Variants in FSTL4 observed in about 807,000 individuals in gnomAD.
FSTL4 encodes the protein follistatin like 4, also known as follistatin-related protein 4.
Under a neutral mutation model 78.2 loss-of-function variants are expected in FSTL4, and 28 were observed. That is an observed-to-expected ratio of 0.36 (90% confidence interval 0.27 to 0.49). FSTL4 has a LOEUF of 0.49. Ranked by LOEUF, FSTL4 falls within the 20% of genes least tolerant of loss-of-function variation. The pLI is 0.98. For synonymous variants in FSTL4, 422 were observed against 440.5 expected, an observed-to-expected ratio of 0.96 and a Z score of 0.53; for missense variants, 922 against 1,084.9, an observed-to-expected ratio of 0.85 and a Z score of 2.11.
intron 3 of FSTL4, among the ~76,000 whole-genome samples, chr5:133,566,272 T>C (rs1387052700): frequency 6.6e-6 from 1 of 152,230 alleles, no homozygotes; most frequent in African/African-American, 2.4e-5. Context: ...TCAAAGCATG[T>C]TGATAACATA....
intron 4 of FSTL4, among the ~76,000 whole-genome samples, chr5:133,350,937 A>G (rs1340241177): frequency 1.3e-5 from 2 of 152,236 alleles, no homozygotes; most frequent in Non-Finnish European, 2.9e-5. Flanking sequence ...TAGCTATAAG[A>G]AAGGCTGGGA....
intron 3 of FSTL4, among the ~76,000 whole-genome samples, chr5:133,454,835 G>A (rs2127013505): frequency 6.6e-6 from 1 of 152,312 alleles, no homozygotes; most frequent in African/African-American, 2.4e-5. Flanking sequence ...GACCAGGCCT[G>A]CAATTTCTGA....
chr5:133,297,964 C>T (rs1386855509), intron 6 of FSTL4, among the ~76,000 whole-genome samples: 2 of 152,172 alleles, frequency 1.3e-5, no homozygotes, highest in African/African-American at 4.8e-5. Context: ...GTTTGAGGCA[C>T]CCAAGGGGTC....
chr5:133,286,844 A>G (rs982717195), intron 6 of FSTL4, among the ~76,000 whole-genome samples: 1 of 152,236 alleles, frequency 6.6e-6, no homozygotes, highest in Non-Finnish European at 1.5e-5. Context: ...TTTAAGACAC[A>G]CTGATCGCCT....
At chr5:133,735,123 C>A in the FSTL4 span, among the ~76,000 whole-genome samples, 2 of 152,098 alleles carry the variant, frequency 1.3e-5, no homozygotes, top group African/African-American at 4.8e-5. Context: ...CTGGCAAGCC[C>A]CAGAAGCACC....
the FSTL4 span, among the ~76,000 whole-genome samples, chr5:133,829,586 A>G: frequency 6.6e-6 from 1 of 152,170 alleles, no homozygotes; most frequent in Non-Finnish European, 1.5e-5. Flanking sequence ...TCAGGCTGAC[A>G]GGTGCTTTCC....
chr5:133,462,804 C>G (rs768112512), intron 3 of FSTL4, among the ~76,000 whole-genome samples: 9 of 152,176 alleles, frequency 5.9e-5, no homozygotes, highest in Non-Finnish European at 1.0e-4. Context: ...GGGGCCTGCC[C>G]TATTCATGGA....
the FSTL4 span, among the ~76,000 whole-genome samples, chr5:133,778,672 C>T: frequency 6.6e-6 from 1 of 152,192 alleles, no homozygotes; most frequent in African/African-American, 2.4e-5. Context: ...GAGCCTTTGA[C>T]CTTTCACATC....
At chr5:133,565,668 T>C (rs1464068735) in intron 3 of FSTL4, among the ~76,000 whole-genome samples, 1 of 152,216 alleles carries the variant, frequency 6.6e-6, no homozygotes, top group Non-Finnish European at 1.5e-5. Flanking sequence ...CTGGACACTC[T>C]CATTCTTCTG....
intron 3 of FSTL4, among the ~76,000 whole-genome samples, chr5:133,535,862 A>G (rs1181515691): frequency 6.6e-6 from 1 of 152,212 alleles, no homozygotes; most frequent in African/African-American, 2.4e-5. Flanking sequence ...AAGGAAGTGA[A>G]GAGGAAGTAA....
chr5:133,428,672 G>A (rs975987445), intron 3 of FSTL4, among the ~76,000 whole-genome samples: 1 of 152,196 alleles, frequency 6.6e-6, no homozygotes, highest in Admixed American at 6.5e-5. Context: ...GCTGCATATA[G>A]GGGCTCCTGT....
chr5:133,374,847 A>T (rs1241537018), intron 4 of FSTL4, among the ~76,000 whole-genome samples: 1 of 152,132 alleles, frequency 6.6e-6, no homozygotes, highest in Non-Finnish European at 1.5e-5. Flanking sequence ...CCCAGCCCCC[A>T]GAACTGTGAG....
At chr5:133,263,502 C>T (rs531864880) in intron 6 of FSTL4, among the ~76,000 whole-genome samples, 5 of 152,058 alleles carry the variant, frequency 3.3e-5, no homozygotes, top group South Asian at 4.2e-4. Flanking sequence ...CCAGTGTGGC[C>T]GAGAGCTCTA....
At chr5:133,480,344 A>G (rs961375338) in intron 3 of FSTL4, among the ~76,000 whole-genome samples, 2 of 152,240 alleles carry the variant, frequency 1.3e-5, no homozygotes, top group African/African-American at 2.4e-5. Flanking sequence ...AGCCATATGT[A>G]AATATTTGCC....
chr5:133,565,504 G>T (rs992469390), intron 3 of FSTL4, among the ~76,000 whole-genome samples: 2 of 152,180 alleles, frequency 1.3e-5, no homozygotes, highest in African/African-American at 4.8e-5. Context: ...GTGCACAATA[G>T]GAAGAAAAAA....
chr5:133,263,908 A>G lies in FSTL4; in HGVS notation c.728-14332T>C, dbSNP rs144860868. Among the ~76,000 whole-genome samples the G allele has an allele frequency of 3.6e-3, 549 of 152,252 alleles. 5 individuals carry two copies. Among genetic ancestry groups the G allele is most frequent in the African/African-American group, 0.013 (525 of 41,550 alleles). ...CTCTGATGGGGCAGAGACCTTGTGC[A>G]TTGTGACAGAAGGTGGGCAGAGCCT... is the stretch of plus-strand genomic sequence containing the variant. On this transcript the variant is annotated intron_variant, in intron 6 of 15. Transcript: ENST00000265342.
At chr5:133,621,864 A>C in the FSTL4 span, among the ~76,000 whole-genome samples, 3 of 152,194 alleles carry the variant, frequency 2.0e-5, no homozygotes, top group Non-Finnish European at 4.4e-5. Flanking sequence ...ATACATTTGT[A>C]AGAAATAATA....
the FSTL4 span, among the ~76,000 whole-genome samples, chr5:133,673,772 G>A: frequency 6.6e-6 from 1 of 152,110 alleles, no homozygotes; most frequent in Non-Finnish European, 1.5e-5. Flanking sequence ...TCTAGTGAGG[G>A]AGAAAGATAC....
At chr5:133,521,605 C>A (rs188864142) in intron 3 of FSTL4, among the ~76,000 whole-genome samples, 57 of 152,196 alleles carry the variant, frequency 3.7e-4, no homozygotes, top group African/African-American at 1.3e-3. Flanking sequence ...CCTTTGTGAA[C>A]CTAATACATT....
Sources: allele counts gnomAD v4.1 joint callset (sites outside exome capture counted in the v4.1 genomes callset), GRCh38; gene constraint gnomAD v4.1.1; transcripts MANE v1.5; gene names NCBI Gene and HGNC (gene_info 2026-07-23, HGNC 2026-07-21).